The following MDGA2 variants were observed in gnomAD, a reference collection of about 807,000 sequenced individuals.
The protein encoded by MDGA2 is MAM domain containing glycosylphosphatidylinositol anchor 2, also known as MAM domain-containing glycosylphosphatidylinositol anchor protein 2.
In MDGA2, 40 loss-of-function variants were observed where a neutral mutation model predicts 117.8. The ratio of observed to expected loss-of-function variants is 0.34; its 90% CI spans 0.26 to 0.44. The LOEUF is 0.44. MDGA2 is among the 20% of genes least tolerant of loss of function. The pLI is 1.00. For missense variants in MDGA2, 1,123 were observed against 1,250.6 expected, an observed-to-expected ratio of 0.90 and a Z score of 1.54; for synonymous variants, 452 against 439.0, an observed-to-expected ratio of 1.03 and a Z score of -0.37.
At chr14:46,897,595 G>A (rs193055658) in intron 10 of MDGA2, among the ~76,000 whole-genome samples, 8 of 124,782 alleles carry the variant, frequency 6.4e-5, no homozygotes, top group Admixed American at 4.4e-4. Context: ...GCCTCATTGA[G>A]TTATTCTGAG....
At chr14:47,344,795 A>G (rs950375042) in intron 1 of MDGA2, among the ~76,000 whole-genome samples, 1 of 152,088 alleles carries the variant, frequency 6.6e-6, no homozygotes, top group African/African-American at 2.4e-5. Flanking sequence ...AAATAGTATA[A>G]TTTAACAATT....
intron 2 of MDGA2, among the ~76,000 whole-genome samples, chr14:47,230,444 T>TC (rs890849344): frequency 1.3e-5 from 2 of 151,490 alleles, no homozygotes; most frequent in Admixed American, 6.6e-5. Context: ...TCATCTAAAA[T>TC]CCCCCCCAAA....
intron 9 of MDGA2, among the ~76,000 whole-genome samples, chr14:46,923,605 G>T (rs1478762398): frequency 6.6e-6 from 1 of 151,984 alleles, no homozygotes; most frequent in Non-Finnish European, 1.5e-5. Context: ...ATTTTCAGTT[G>T]TTACGATTAA....
At chr14:47,508,992 G>A (rs1489985790) in intron 1 of MDGA2, among the ~76,000 whole-genome samples, 1 of 152,112 alleles carries the variant, frequency 6.6e-6, no homozygotes, top group East Asian at 1.9e-4. Context: ...AACCGGCCAA[G>A]GAACACACCT....
chr14:46,962,299 T>A (rs886416863), intron 8 of MDGA2, among the ~76,000 whole-genome samples: 1 of 152,200 alleles, frequency 6.6e-6, no homozygotes, highest in African/African-American at 2.4e-5. Flanking sequence ...CCTGTTCATT[T>A]CAAAGTCACA....
intron 9 of MDGA2, among the ~76,000 whole-genome samples, chr14:46,940,270 T>C (rs1429078745): frequency 6.6e-6 from 1 of 152,182 alleles, no homozygotes; most frequent in East Asian, 1.9e-4. Context: ...TCAAGAATAA[T>C]AAATATACTA....
chr14:46,925,862 G>A (rs935695449), intron 9 of MDGA2, among the ~76,000 whole-genome samples: 4 of 151,920 alleles, frequency 2.6e-5, no homozygotes, highest in African/African-American at 9.7e-5. Flanking sequence ...TTCATGAAGG[G>A]ATAAAAAAAG....
intron 1 of MDGA2, among the ~76,000 whole-genome samples, chr14:47,468,917 A>C (rs985823160): frequency 6.6e-6 from 1 of 152,010 alleles, no homozygotes; most frequent in Non-Finnish European, 1.5e-5. Context: ...CTCCATACTG[A>C]GGGCTGAAAA....
At chr14:47,133,217 T>C (rs1028353059) in intron 4 of MDGA2, among the ~76,000 whole-genome samples, 1 of 151,914 alleles carries the variant, frequency 6.6e-6, no homozygotes, top group Non-Finnish European at 1.5e-5. Context: ...GATACAAGTA[T>C]ACACATAAAT....
chr14:47,533,087 G>T (rs1895133535), intron 1 of MDGA2, among the ~76,000 whole-genome samples: 1 of 152,108 alleles, frequency 6.6e-6, no homozygotes, highest in South Asian at 2.1e-4. Flanking sequence ...CCTGATTTAG[G>T]TCACATATCC....
chr14:47,333,182 G>A (rs924654532), intron 1 of MDGA2, among the ~76,000 whole-genome samples: 2 of 151,832 alleles, frequency 1.3e-5, no homozygotes, highest in African/African-American at 4.8e-5. Flanking sequence ...TAGATTAAAT[G>A]GTAGTTCTAT....
chr14:47,312,462 T>C (rs781475411), intron 1 of MDGA2, among the ~76,000 whole-genome samples: 2 of 152,084 alleles, frequency 1.3e-5, no homozygotes, highest in Non-Finnish European at 2.9e-5. Flanking sequence ...AAACACCTCT[T>C]CTAAGAAGTG....
At chr14:47,007,595 G>A (rs1473652274) in intron 8 of MDGA2, among the ~76,000 whole-genome samples, 2 of 151,854 alleles carry the variant, frequency 1.3e-5, no homozygotes, top group Non-Finnish European at 2.9e-5. Context: ...GAGAAGTAAG[G>A]AATAAAACTT....
At chr14:46,854,994 C>A (rs1881211382) in intron 15 of MDGA2, 30 bp downstream of exon 15, 1 of 1,554,732 alleles carries the variant, frequency 6.4e-7, no homozygotes, top group African/African-American at 1.4e-5. Context: ...TCATTTACAG[C>A]AATTAATTAG....
intron 3 of MDGA2, among the ~76,000 whole-genome samples, chr14:47,157,443 C>T (rs1030621697): frequency 2.0e-5 from 3 of 152,086 alleles, no homozygotes; most frequent in Non-Finnish European, 4.4e-5. Context: ...GATGATTTTG[C>T]ATATTATTCT....
At chr14:47,471,578 T>A (rs957447571) in intron 1 of MDGA2, among the ~76,000 whole-genome samples, 1 of 152,132 alleles carries the variant, frequency 6.6e-6, no homozygotes, top group African/African-American at 2.4e-5. Context: ...TATTTTTAAT[T>A]TAAAAACATC....
intron 8 of MDGA2, among the ~76,000 whole-genome samples, chr14:46,985,749 A>C (rs1485355254): frequency 6.6e-6 from 1 of 152,082 alleles, no homozygotes; most frequent in East Asian, 1.9e-4. Flanking sequence ...TGATCATGAA[A>C]ATAACACAAA....
rs1368130730 is a variant in MDGA2 at position 46,840,651 on chromosome 14, C to A, written c.*1280G>T. 1 of 152,530 alleles carries A rather than the reference C, an allele frequency of 6.6e-6. No individual in the cohort carries two copies. Among genetic ancestry groups the A allele is most frequent in the Non-Finnish European group, 1.5e-5 (1 of 68,000 alleles). 9.4% of individuals were successfully genotyped at this position (152,530 alleles called of 1,614,324 possible). ...AAAGCCAGATTTTTCAGGCCCAGTT[C>A]CACTGTAGAGTTAGTATGCACTGCA... is the stretch of plus-strand genomic sequence containing the variant. On this transcript the variant is annotated 3_prime_UTR_variant, in exon 17 of 17. Transcript: ENST00000399232.
At chr14:47,421,666 C>T (rs1405219979) in intron 1 of MDGA2, among the ~76,000 whole-genome samples, 4 of 152,016 alleles carry the variant, frequency 2.6e-5, no homozygotes, top group Non-Finnish European at 5.9e-5. Flanking sequence ...TACTAGTGAA[C>T]ACCAATATAC....
Sources: allele counts gnomAD v4.1 joint callset (sites outside exome capture counted in the v4.1 genomes callset), GRCh38; gene constraint gnomAD v4.1.1; transcripts MANE v1.5; gene names NCBI Gene and HGNC (gene_info 2026-07-23, HGNC 2026-07-21).